Variants in ZNF799 observed in about 807,000 individuals in gnomAD.
ZNF799 encodes the protein zinc finger protein 799.
Under a neutral mutation model 41.0 loss-of-function variants are expected in ZNF799, and 28 were observed. The ratio of observed to expected loss-of-function variants is 0.68; its 90% CI spans 0.51 to 0.94. The LOEUF is 0.94. Ranked by LOEUF, ZNF799 falls within the 40% of genes least tolerant of loss-of-function variation. The pLI is 0.00. For synonymous variants in ZNF799, 213 were observed against 252.9 expected (o/e 0.84, Z 1.50); for missense variants, 716 against 764.3 (o/e 0.94, Z 0.74).
At chr19:12,401,573 AG>A (rs1969988209), upstream of ZNF799, among the ~76,000 whole-genome samples, 1 of 25,678 alleles carries the variant, frequency 3.9e-5, no homozygotes, top group Non-Finnish European at 7.0e-5. Context: ...TTTTTCCGAG[AG>A]AGAGAGAGAG....
Position 12,391,737 on chromosome 19 carries a change from C to G in ZNF799, c.661G>C (p.Gly221Arg). ...LLHMHERTHT[G>R]EKPYECKQCS... ...TGCTTACATTCATATGGTTTCTCTC[C>G]AGTGTGCGTTCTCTCATGCATATGT... The change falls in exon 4 of 4, where the codon GGA (glycine) becomes CGA (arginine). Residue 221 changes from glycine (G) to arginine (R), a missense_variant. This residue lies in a region of ZNF799 where 698 missense variants were observed against 713.6 expected (regional missense o/e 0.98). Coordinates refer to ENST00000430385, the MANE Select transcript of ZNF799 (RefSeq NM_001080821.3). The G allele has an allele frequency of 6.2e-7, 1 of 1,614,114 alleles. No individual in the cohort carries two copies. The highest frequency in any genetic ancestry group is 1.1e-5 in the South Asian group (1 of 91,078).
In ZNF799 at chr19:12,391,484, T is replaced by G. The variant is rs370285412; in HGVS notation, c.914A>C (p.Asp305Ala). The change falls in exon 4 of 4, where the codon GAT (aspartate) becomes GCT (alanine). Residue 305 changes from aspartate to alanine, a missense_variant. This residue lies in a region of ZNF799 where 698 missense variants were observed against 713.6 expected (regional missense o/e 0.98). Transcript: ENST00000430385. Reference sequence around the variant, plus strand: ...TTGCTGACATGCATAGGGTTTCTCATCAGTGTGAGTTGTTTCGTGTCTTCG... The same window carrying G: ...TTGCTGACATGCATAGGGTTTCTCAGCAGTGTGAGTTGTTTCGTGTCTTCG... ...SLRRHETTHTDEKPYACQQCG... is the reference protein window; with the variant it reads ...SLRRHETTHTAEKPYACQQCG... 1.9e-6 allele frequency: 3 copies of G among 1,613,952 alleles called. No homozygotes were observed. The highest frequency in any genetic ancestry group is 1.7e-6 in the Non-Finnish European group (2 of 1,179,928).
At chr19:12,393,646 C>A in intron 1 of ZNF799, 1 of 1,397,064 alleles carries the variant, frequency 7.2e-7, no homozygotes, top group South Asian at 1.5e-5. Context: ...TAGAAACATG[C>A]CACTTGTTGG....
Position 12,391,372 on chromosome 19 carries a change from A to G in ZNF799, c.1026T>C (p.Cys342=). The change falls in exon 4 of 4, where the codon TGT becomes TGC. Residue 342 remains cysteine, a synonymous_variant. Transcript: ENST00000430385. The part of the protein sequence containing the change: ...TRDGPHKCKI[C]GKGFDCPSSL... ...AACTAGGACAATCAAAGCCTTTTCC[A>G]CATATCTTACACTTATGAGGTCCAT... is the stretch of plus-strand genomic sequence containing the variant. The G allele has an allele frequency of 6.2e-7, 1 of 1,614,164 alleles. No individual in the cohort carries two copies. Among genetic ancestry groups the G allele is most frequent in the Non-Finnish European group, 8.5e-7 (1 of 1,180,000 alleles).
chr19:12,413,820 C>G, the ZNF799 span, among the ~76,000 whole-genome samples: 1 of 152,160 alleles, frequency 6.6e-6, no homozygotes, highest in Non-Finnish European at 1.5e-5. Context: ...TGGTGGACTT[C>G]AGACTCTGCT....
chr19:12,408,029 A>T, the ZNF799 span, among the ~76,000 whole-genome samples: 4,767 of 152,150 alleles, frequency 0.031, 240 homozygotes, highest in African/African-American at 0.11. Flanking sequence ...TGGTGGCACA[A>T]ACTGTAGTCA....
chr19:12,399,324 T>G (rs1157029491), intron 1 of ZNF799, among the ~76,000 whole-genome samples: 3 of 152,160 alleles, frequency 2.0e-5, no homozygotes, highest in Non-Finnish European at 4.4e-5. Flanking sequence ...TCCTTAGATA[T>G]AACTTTCTAC....
At chr19:12,400,327 G>A (rs1172011911) in intron 1 of ZNF799, 1 of 152,284 alleles carries the variant, frequency 6.6e-6, no homozygotes, top group African/African-American at 2.4e-5. Flanking sequence ...TCCTCACCGG[G>A]TTCACAGGAA....
chr19:12,412,273 C>T, the ZNF799 span, among the ~76,000 whole-genome samples: 2 of 152,146 alleles, frequency 1.3e-5, no homozygotes, highest in Non-Finnish European at 2.9e-5. Flanking sequence ...GCTCATGAGT[C>T]CCCCTCCCTC....
chr19:12,401,253 G>A lies in ZNF799; in HGVS notation c.-183C>T. On this transcript the variant is annotated 5_prime_UTR_variant, in exon 1 of 4. Transcript: ENST00000430385. ...GCTTTTTCAACCACACACTCCTCTG[G>A]GAAGCGCGCCTGATTGACAGTTCCC... is the stretch of plus-strand genomic sequence containing the variant. 7.1e-7 allele frequency: 1 copy of A among 1,404,542 alleles called. No homozygotes were observed. The allele number at this position is 1,404,542 out of a possible 1,614,324, so 87.0% of individuals were successfully genotyped here.
At position 12,391,777 on chromosome 19, in the gene ZNF799, A is replaced by G; in HGVS notation, c.621T>C (p.Phe207=). ...CATGCATATGTAATAAACTGGGCCA[A>G]AAAAACGCTTTCCCACACAACTTAC... The part of the protein sequence containing the change: ...YKCKLCGKAF[F]WPSLLHMHER... Residue 207 remains phenylalanine (F), a synonymous_variant, in exon 4 of 4, where the codon TTT becomes TTC. Coordinates refer to ENST00000430385, the MANE Select transcript of ZNF799 (RefSeq NM_001080821.3). The G allele has an allele frequency of 6.2e-7, 1 of 1,614,128 alleles. No homozygotes were observed. Among genetic ancestry groups the G allele is most frequent in the Non-Finnish European group, 8.5e-7 (1 of 1,180,002 alleles).
intron 1 of ZNF799, among the ~76,000 whole-genome samples, chr19:12,396,018 T>G (rs1267592287): frequency 1.3e-5 from 2 of 152,224 alleles, no homozygotes; most frequent in Non-Finnish European, 2.9e-5. Context: ...AAAATGTTAT[T>G]AAACAAATGA....
chr19:12,406,439 G>A, the ZNF799 span, among the ~76,000 whole-genome samples: 2 of 150,114 alleles, frequency 1.3e-5, no homozygotes, highest in Non-Finnish European at 3.0e-5. Context: ...AGCCGAGATC[G>A]CGCCACTGGA....
chr19:12,404,960 A>G (rs1165121290), upstream of ZNF799, among the ~76,000 whole-genome samples: 1 of 152,176 alleles, frequency 6.6e-6, no homozygotes, highest in Non-Finnish European at 1.5e-5. Context: ...TGGGGAAGAC[A>G]GATCCACCAT....
chr19:12,399,411 G>C, intron 1 of ZNF799, among the ~76,000 whole-genome samples: 1 of 151,988 alleles, frequency 6.6e-6, no homozygotes, highest in African/African-American at 2.4e-5. Context: ...CATGAAATTG[G>C]CTGTTCAGTC....
Position 12,391,756 on chromosome 19 carries a change from C to A in ZNF799, c.642G>T (p.Met214Ile). The A allele has an allele frequency of 6.2e-7, 1 of 1,614,142 alleles. No homozygotes were observed. The highest frequency in any genetic ancestry group is 8.5e-7 in the Non-Finnish European group (1 of 1,180,018). ...KAFFWPSLLH[M>I]HERTHTGEKP... ...TCTCTCCAGTGTGCGTTCTCTCATG[C>A]ATATGTAATAAACTGGGCCAAAAAA... The change falls in exon 4 of 4, where the codon ATG becomes ATT. Residue 214 changes from methionine to isoleucine, a missense_variant. This residue lies in a region of ZNF799 where 698 missense variants were observed against 713.6 expected (regional missense o/e 0.98). Coordinates refer to ENST00000430385, the MANE Select transcript of ZNF799 (RefSeq NM_001080821.3).
At chr19:12,399,208 T>A (rs916290159) in intron 1 of ZNF799, among the ~76,000 whole-genome samples, 3 of 152,160 alleles carry the variant, frequency 2.0e-5, no homozygotes, top group Non-Finnish European at 2.9e-5. Context: ...GGTCATCCTA[T>A]CACCTGGGAC....
In ZNF799 at chr19:12,391,209, T is replaced by C. The variant is rs758567703; in HGVS notation, c.1189A>G (p.Ile397Val). ...HTGDGPHKCKICGKAFVYPSV... is the reference protein window; with the variant it reads ...HTGDGPHKCKVCGKAFVYPSV... ...GGATAAACAAAGGCTTTCCCACATA[T>C]CTTGCATTTGTGAGGTCCATCTCCA... Residue 397 changes from isoleucine to valine, a missense_variant, in exon 4 of 4, where the codon ATA becomes GTA. Ile to Val is a conservative substitution (Grantham distance 29). Around this residue, in one of 2 missense-constraint regions of ZNF799, gnomAD observed 698 missense variants for 713.6 expected, o/e 0.98. Transcript: ENST00000430385. 164 of 1,613,994 alleles carry C rather than the reference T, an allele frequency of 1.0e-4. No individual in the cohort carries two copies. Among genetic ancestry groups the C allele is most frequent in the Non-Finnish European group, 1.3e-4 (157 of 1,180,004 alleles).
At position 12,391,700 on chromosome 19, in the gene ZNF799, G is replaced by A. The variant is rs978909008; in HGVS notation, c.698C>T (p.Ala233Val). Residue 233 changes from alanine to valine, a missense_variant, in exon 4 of 4, where the codon GCC (alanine) becomes GTC (valine). Physicochemically the swap from Ala to Val is moderately conservative, Grantham distance 64 (BLOSUM62 0). Coordinates refer to ENST00000430385, the MANE Select transcript of ZNF799 (RefSeq NM_001080821.3). ...KPYECKQCSK[A>V]FSFYSSYLRH... ...TAGATAGGAACTGTAAAAAGAAAAG[G>A]CTTTAGAACACTGCTTACATTCATA... 3.1e-6 allele frequency: 5 copies of A among 1,613,890 alleles called. No homozygotes were observed. In the African/African-American group the frequency reaches 6.7e-5, roughly 22 times the overall value.
Sources: gnomAD v4.1 joint callset for allele counts (sites outside exome capture counted in the v4.1 genomes callset) on GRCh38, gnomAD v4.1.1 for gene constraint, gnomAD v4.1.1 regional missense constraint, MANE v1.5 for transcripts, NCBI Gene and HGNC (gene_info 2026-07-23, HGNC 2026-07-21) for gene names.